Variants in GMEB1 observed in about 807,000 individuals in gnomAD.
GMEB1 encodes glucocorticoid modulatory element binding protein 1.
In GMEB1, 6 loss-of-function variants were observed where a neutral mutation model predicts 52.4. The observed-to-expected ratio is 0.11, with a 90% CI of 0.06 to 0.23. The LOEUF is 0.23. GMEB1 is among the 10% of genes least tolerant of loss of function. GMEB1 has a pLI of 1.00. For synonymous variants in GMEB1, 255 were observed against 244.9 expected, an observed-to-expected ratio of 1.04 and a Z score of -0.38; for missense variants, 486 against 685.6, an observed-to-expected ratio of 0.71 and a Z score of 3.25.
At position 28,703,696 on chromosome 1, in the gene GMEB1, A is replaced by C. The variant is rs149736651; in HGVS notation, c.731-496A>C. Reference sequence around the variant, plus strand: ...ATAAAAATAAAAAAATAAAAAAAGAAAAGACATAGCCACCACCCTCAGAGA... The same window carrying C: ...ATAAAAATAAAAAAATAAAAAAAGACAAGACATAGCCACCACCCTCAGAGA... On this transcript the variant is annotated intron_variant, in intron 7 of 9. Coordinates refer to ENST00000373816, the MANE Select transcript of GMEB1 (RefSeq NM_001319674.2). Among the ~76,000 whole-genome samples the C allele has an allele frequency of 3.3e-3, 500 of 152,118 alleles. 1 individual carries two copies. Among genetic ancestry groups the C allele is most frequent in the African/African-American group, 0.011 (473 of 41,540 alleles).
chr1:28,668,389 G>A (rs1209005500), upstream of GMEB1, among the ~76,000 whole-genome samples: 1 of 152,034 alleles, frequency 6.6e-6, no homozygotes, highest in Non-Finnish European at 1.5e-5. Flanking sequence ...CTGATAGCTG[G>A]ATTGTAACTT....
intron 4 of GMEB1, among the ~76,000 whole-genome samples, chr1:28,692,483 A>T (rs1277921259): frequency 6.6e-6 from 1 of 151,758 alleles, no homozygotes; most frequent in Non-Finnish European, 1.5e-5. Context: ...GTGAGTTGAG[A>T]TTGCGCTGTT....
chr1:28,685,735 C>T (rs991222520), intron 2 of GMEB1, among the ~76,000 whole-genome samples: 18 of 151,990 alleles, frequency 1.2e-4, no homozygotes, highest in South Asian at 2.1e-4. Context: ...CCGAGGTGGG[C>T]GGATCACGAG....
intron 1 of GMEB1, among the ~76,000 whole-genome samples, chr1:28,680,511 C>T (rs542694024): frequency 6.6e-6 from 1 of 151,900 alleles, no homozygotes; most frequent in South Asian, 2.1e-4. Context: ...CTGAGGTAGG[C>T]GGATCACGAG....
intron 5 of GMEB1, among the ~76,000 whole-genome samples, chr1:28,695,808 G>A (rs1466531522): frequency 1.3e-4 from 19 of 143,302 alleles, no homozygotes; most frequent in Non-Finnish European, 2.8e-4. Flanking sequence ...GCGTAGTGGC[G>A]GGCGCCTGTA....
chr1:28,704,171 G>A, intron 7 of GMEB1, 21 bp from the exon 8 acceptor site: 1 of 1,604,332 alleles, frequency 6.2e-7, no homozygotes. Context: ...TTTACCCTCT[G>A]TCTTATCCTT....
intron 1 of GMEB1, among the ~76,000 whole-genome samples, chr1:28,679,150 C>T (rs1669286790): frequency 6.6e-6 from 1 of 150,894 alleles, no homozygotes; most frequent in South Asian, 2.1e-4. Context: ...TCCCAAAATG[C>T]TGGGATCACA....
chr1:28,693,177 A>ATT (rs1670041697), intron 5 of GMEB1, 132 bp downstream of exon 5: 1 of 410,814 alleles, frequency 2.4e-6, no homozygotes, highest in Non-Finnish European at 4.4e-6. Context: ...TCCGTGCATT[A>ATT]TTTGACTTTA....
intron 1 of GMEB1, among the ~76,000 whole-genome samples, chr1:28,677,603 A>G (rs943030584): frequency 6.6e-6 from 1 of 152,218 alleles, no homozygotes; most frequent in Non-Finnish European, 1.5e-5. Flanking sequence ...GTGTTATAGC[A>G]CGGTGCTTGA....
At chr1:28,708,303 T>C (rs1670875282) in intron 8 of GMEB1, among the ~76,000 whole-genome samples, 1 of 152,066 alleles carries the variant, frequency 6.6e-6, no homozygotes. Context: ...TAGCTGGTAC[T>C]ACAGGTGCCT....
At chr1:28,703,871 TATGTA>T (rs1169921859) in intron 7 of GMEB1, among the ~76,000 whole-genome samples, 12 of 152,072 alleles carry the variant, frequency 7.9e-5, no homozygotes, top group Non-Finnish European at 1.8e-4. Context: ...AATTAAATAA[TATGTA>T]ATGTTAAATA....
At chr1:28,708,001 T>G (rs558145366) in intron 8 of GMEB1, among the ~76,000 whole-genome samples, 8 of 152,174 alleles carry the variant, frequency 5.3e-5, no homozygotes, top group African/African-American at 1.9e-4. Context: ...TGGGCTCAAT[T>G]GATCCTCCTG....
chr1:28,696,721 A>G (rs1460594093), intron 5 of GMEB1, among the ~76,000 whole-genome samples: 2 of 152,082 alleles, frequency 1.3e-5, no homozygotes, highest in Admixed American at 6.6e-5. Context: ...CTACAGAGGG[A>G]GGAGGAATAC....
chr1:28,699,577 C>T (rs1041896801), intron 6 of GMEB1, among the ~76,000 whole-genome samples: 1 of 151,924 alleles, frequency 6.6e-6, no homozygotes, highest in African/African-American at 2.4e-5. Context: ...TACAGGTGCC[C>T]GCCACCAAGC....
intron 1 of GMEB1, among the ~76,000 whole-genome samples, chr1:28,678,810 C>T (rs1213020477): frequency 1.3e-5 from 2 of 151,860 alleles, no homozygotes; most frequent in African/African-American, 4.8e-5. Flanking sequence ...TGGTCTTGAA[C>T]TCCTGAGCTT....
At chr1:28,688,859 AC>A (rs1178110268) in intron 2 of GMEB1, among the ~76,000 whole-genome samples, 1 of 151,282 alleles carries the variant, frequency 6.6e-6, no homozygotes, top group Non-Finnish European at 1.5e-5. Context: ...TTAGTTGTGT[AC>A]TTGTAGCAAT....
rs189228775 is a variant in GMEB1 at position 28,683,057 on chromosome 1, A to G, written c.-30-526A>G. On this transcript the variant is annotated intron_variant, in intron 1 of 9. Coordinates refer to ENST00000373816, the MANE Select transcript of GMEB1 (RefSeq NM_001319674.2). ...GAACACCATGGGATGAGTCACACGT[A>G]CTAAGAAAACCTATACTAGCAAGTG... Among the ~76,000 whole-genome samples the G allele has an allele frequency of 5.3e-5, 8 of 152,246 alleles. No homozygotes were observed. The East Asian group carries it at 1.5e-3, about 29-fold the overall frequency.
chr1:28,710,486 T>G (rs757382803), intron 8 of GMEB1, 34 bp from the exon 9 acceptor site: 23 of 1,548,802 alleles, frequency 1.5e-5, no homozygotes, highest in Admixed American at 1.2e-4. Flanking sequence ...CATATCTGTT[T>G]TAACTGGACA....
At chr1:28,683,190 C>A (rs1212698181) in intron 1 of GMEB1, among the ~76,000 whole-genome samples, 1 of 151,960 alleles carries the variant, frequency 6.6e-6, no homozygotes, top group African/African-American at 2.4e-5. Flanking sequence ...ATTATCTTGG[C>A]AGTCCTTTCA....
Sources: gnomAD v4.1 joint callset for allele counts (sites outside exome capture counted in the v4.1 genomes callset) on GRCh38, gnomAD v4.1.1 for gene constraint, MANE v1.5 for transcripts, NCBI Gene and HGNC (gene_info 2026-07-23, HGNC 2026-07-21) for gene names.